The following SSTR4 variants were observed in gnomAD, a reference collection of about 807,000 sequenced individuals.
SSTR4 encodes the protein somatostatin receptor type 4.
For missense variants in SSTR4, 649 were observed against 540.6 expected, an observed-to-expected ratio of 1.20 and a Z score of -1.99; for synonymous variants, 272 against 246.3, an observed-to-expected ratio of 1.10 and a Z score of -0.98.
Position 23,036,721 on chromosome 20 carries a change from A to C in SSTR4, c.*71A>C. 1 of 1,478,950 alleles carries C rather than the reference A, an allele frequency of 6.8e-7. No homozygotes were observed. Among genetic ancestry groups the C allele is most frequent in the Admixed American group, 2.3e-5 (1 of 43,356 alleles). 91.6% of individuals were successfully genotyped at this position (1,478,950 alleles called of 1,614,324 possible). A position where few individuals can be genotyped will look rare whatever the true frequency, so the allele number is the denominator to read the frequency against. ...GGGCACCATTCCTACAGCCCCGAAGACTGCATCTCCTGAATGCTCACCTAA... is the reference window on the plus strand; with the variant it reads ...GGGCACCATTCCTACAGCCCCGAAGCCTGCATCTCCTGAATGCTCACCTAA... On this transcript the variant is annotated 3_prime_UTR_variant, in exon 1 of 1. Coordinates refer to ENST00000255008, the MANE Select transcript of SSTR4 (RefSeq NM_001052.4).
chr20:23,038,417 AT>A lies in SSTR4; in HGVS notation c.*1768del, dbSNP rs1435631298. 2.3e-4 allele frequency: 35 copies of A among 152,302 alleles called. No homozygotes were observed. The highest frequency in any genetic ancestry group is 7.5e-4 in the African/African-American group (31 of 41,538). 9.4% of individuals were successfully genotyped at this position (152,302 alleles called of 1,614,324 possible). A position where few individuals can be genotyped will look rare whatever the true frequency, so the allele number is the denominator to read the frequency against. The stretch of plus-strand genomic sequence containing the variant: ...GTGATCAGACTGGGCAAACTCTCTG[AT>A]AAGCAAGACAGGGCACCTACCAGGA... On this transcript the variant is annotated 3_prime_UTR_variant, in exon 1 of 1. Coordinates refer to ENST00000255008, the MANE Select transcript of SSTR4 (RefSeq NM_001052.4).
At position 23,036,370 on chromosome 20, in the gene SSTR4, C is replaced by T. The variant is rs1984323882; in HGVS notation, c.887C>T (p.Ser296Phe). Residue 296 changes from serine to phenylalanine, a missense_variant, in exon 1 of 1, where the codon TCC (serine) becomes TTC (phenylalanine). Coordinates refer to ENST00000255008, the MANE Select transcript of SSTR4 (RefSeq NM_001052.4). ...TSLDATVNHV[S>F]LILSYANSCA... ...CTTGATGCCACCGTCAACCACGTGT[C>T]CCTTATCCTTAGCTATGCCAACAGC... 1.9e-6 allele frequency: 3 copies of T among 1,614,150 alleles called. No individual in the cohort carries two copies. The highest frequency in any genetic ancestry group is 1.6e-4 in the Middle Eastern group (1 of 6,062).
rs922757913 is a variant in SSTR4, at chr20:23,035,923, C to T, written c.440C>T (p.Ala147Val). Residue 147 changes from alanine (A) to valine (V), a missense_variant, in exon 1 of 1, where the codon GCC (alanine) becomes GTC (valine). Physicochemically the swap from Ala to Val is moderately conservative, Grantham distance 64. Transcript: ENST00000255008. ...GTGCTCAGCGTGGACCGCTACGTGGCCGTGGTGCACCCTCTGCGCGCGGCG... is the reference window on the plus strand; with the variant it reads ...GTGCTCAGCGTGGACCGCTACGTGGTCGTGGTGCACCCTCTGCGCGCGGCG... ...LTVLSVDRYV[A>V]VVHPLRAATY... 14 of 1,612,716 alleles carry T rather than the reference C, an allele frequency of 8.7e-6. No homozygotes were observed. The highest frequency in any genetic ancestry group is 1.1e-5 in the Non-Finnish European group (13 of 1,179,646).
Position 23,035,494 on chromosome 20 carries a change from C to T in SSTR4, c.11C>T (p.Pro4Leu). 1 of 1,541,860 alleles carries T rather than the reference C, an allele frequency of 6.5e-7. No homozygotes were observed. MSA[P>L]STLPPGGEEG... is the part of the protein sequence containing the mutation. The stretch of plus-strand genomic sequence containing the variant: ...CCGGCACCCCTGGTCATGAGCGCCC[C>T]CTCGACGCTGCCCCCCGGGGGCGAG... The change falls in exon 1 of 1, where the codon CCC becomes CTC. Residue 4 changes from proline to leucine, a missense_variant. By Grantham distance (98) the Pro-to-Leu change is moderately conservative (BLOSUM62 -3). Coordinates refer to ENST00000255008, the MANE Select transcript of SSTR4 (RefSeq NM_001052.4).
rs1270779490 is a variant in SSTR4, at chr20:23,038,641, T to C, written c.*1991T>C. 1.3e-5 allele frequency among the ~76,000 whole-genome samples: 2 copies of C among 152,218 alleles called. No individual in the cohort carries two copies. Among genetic ancestry groups the C allele is most frequent in the Non-Finnish European group, 2.9e-5 (2 of 68,040 alleles). On this transcript the variant is annotated 3_prime_UTR_variant, in exon 1 of 1. Transcript: ENST00000255008. ...AGCAGTGATTTAACCTCTCTAAGCCTCAGTTTCCCACTTGGAATATGTGCC... is the reference window on the plus strand; with the variant it reads ...AGCAGTGATTTAACCTCTCTAAGCCCCAGTTTCCCACTTGGAATATGTGCC...
Position 23,039,011 on chromosome 20 carries a change from C to T in SSTR4, c.*2361C>T, listed in dbSNP as rs1984401742. 6.6e-6 allele frequency: 1 copy of T among 152,236 alleles called. No homozygotes were observed. Among genetic ancestry groups the T allele is most frequent in the Non-Finnish European group, 1.5e-5 (1 of 68,060 alleles). 9.4% of individuals were successfully genotyped at this position (152,236 alleles called of 1,614,324 possible). Reference sequence around the variant, plus strand: ...TGCTACCAGCTTTAGTTCCATCAACCCCAGGCTTTTGTAACAACTGGTTGC... The same window carrying T: ...TGCTACCAGCTTTAGTTCCATCAACTCCAGGCTTTTGTAACAACTGGTTGC... On this transcript the variant is annotated 3_prime_UTR_variant, in exon 1 of 1. Coordinates refer to ENST00000255008, the MANE Select transcript of SSTR4 (RefSeq NM_001052.4).
chr20:23,036,339 A>G lies in SSTR4; in HGVS notation c.856A>G (p.Thr286Ala). 1 of 1,614,112 alleles carries G rather than the reference A, an allele frequency of 6.2e-7. No homozygotes were observed. Among genetic ancestry groups the G allele is most frequent in the Non-Finnish European group, 8.5e-7 (1 of 1,180,006 alleles). The change falls in exon 1 of 1, where the codon ACC becomes GCC. Residue 286 changes from threonine to alanine, a missense_variant. Transcript: ENST00000255008. ...GGTGCAGCTGCTGAACCTCTTCGTG[A>G]CCAGCCTTGATGCCACCGTCAACCA... ...YVVQLLNLFV[T>A]SLDATVNHVS...
rs923362519 is a variant in SSTR4 at position 23,037,736 on chromosome 20, G to A, written c.*1086G>A. Among the ~76,000 whole-genome samples the A allele has an allele frequency of 5.3e-5, 8 of 152,230 alleles. No homozygotes were observed. The highest frequency in any genetic ancestry group is 1.9e-4 in the African/African-American group (8 of 41,450). On this transcript the variant is annotated 3_prime_UTR_variant, in exon 1 of 1. Coordinates refer to ENST00000255008, the MANE Select transcript of SSTR4 (RefSeq NM_001052.4). ...GCTTTCTGATAAAAGCAGGGGAGGG[G>A]ACAAAGGAGAACTTGGAACACTTAT...
Position 23,036,578 on chromosome 20 carries a change from C to T in SSTR4, c.1095C>T (p.Pro365=). The change falls in exon 1 of 1, where the codon CCC becomes CCT. Residue 365 remains proline, a synonymous_variant. Transcript: ENST00000255008. The stretch of plus-strand genomic sequence containing the variant: ...CAGGGTGCATGTGCCCCCCACTCCC[C>T]TGCCAGCAGGAAGCCCTGCAACCAG... ...GGAGCMCPPL[P]CQQEALQPEP... The T allele has an allele frequency of 6.2e-7, 1 of 1,600,194 alleles. No individual in the cohort carries two copies. The highest frequency in any genetic ancestry group is 8.5e-7 in the Non-Finnish European group (1 of 1,173,612).
rs370296350 is a variant in SSTR4 at position 23,036,501 on chromosome 20, G to A, written c.1018G>A (p.Glu340Lys). ...CCLLEGAGGA[E>K]EEPLDYYATA... is the part of the protein sequence containing the mutation. Reference sequence around the variant, plus strand: ...CCTCCTGGAAGGTGCTGGAGGTGCTGAGGAGGAGCCCCTGGACTACTATGC... The same window carrying A: ...CCTCCTGGAAGGTGCTGGAGGTGCTAAGGAGGAGCCCCTGGACTACTATGC... The change falls in exon 1 of 1, where the codon GAG becomes AAG. Residue 340 changes from glutamate (E) to lysine (K), a missense_variant. Transcript: ENST00000255008. 4 of 1,613,836 alleles carry A rather than the reference G, an allele frequency of 2.5e-6. No homozygotes were observed. In the African/African-American group the frequency reaches 5.3e-5, roughly 22 times the overall value.
chr20:23,035,748 C>A lies in SSTR4; in HGVS notation c.265C>A (p.Leu89Met). The part of the protein sequence containing the change: ...KTATNIYLLN[L>M]AVADELFMLS... ...GGCTACCAACATCTACCTGCTCAAC[C>A]TGGCCGTAGCCGACGAGCTCTTCAT... is the stretch of plus-strand genomic sequence containing the variant. The change falls in exon 1 of 1, where the codon CTG (leucine) becomes ATG (methionine). Residue 89 changes from leucine to methionine, a missense_variant. Coordinates refer to ENST00000255008, the MANE Select transcript of SSTR4 (RefSeq NM_001052.4). 1 of 1,588,976 alleles carries A rather than the reference C, an allele frequency of 6.3e-7. No homozygotes were observed. The highest frequency in any genetic ancestry group is 8.6e-7 in the Non-Finnish European group (1 of 1,167,630).
chr20:23,038,538 G>T lies in SSTR4; in HGVS notation c.*1888G>T, dbSNP rs1252906319. 6.6e-6 allele frequency among the ~76,000 whole-genome samples: 1 copy of T among 152,176 alleles called. No individual in the cohort carries two copies. Among genetic ancestry groups the T allele is most frequent in the Non-Finnish European group, 1.5e-5 (1 of 68,038 alleles). The stretch of plus-strand genomic sequence containing the variant: ...AGCCTTTTTAACTTAGTTGATGAAG[G>T]TTGAAGGAGAGGCAGCTTCAGGTGA... On this transcript the variant is annotated 3_prime_UTR_variant, in exon 1 of 1. Transcript: ENST00000255008.
Position 23,037,752 on chromosome 20 carries a change from G to A in SSTR4, c.*1102G>A, listed in dbSNP as rs1984366597. On this transcript the variant is annotated 3_prime_UTR_variant, in exon 1 of 1. Transcript: ENST00000255008. ...AGGGGAGGGGACAAAGGAGAACTTG[G>A]AACACTTATGTTAGCATCTGGTGTA... 6.6e-6 allele frequency among the ~76,000 whole-genome samples: 1 copy of A among 152,178 alleles called. No homozygotes were observed. The highest frequency in any genetic ancestry group is 1.5e-5 in the Non-Finnish European group (1 of 68,042).
chr20:23,036,267 C>CTGA lies in SSTR4; in HGVS notation c.787_789dup (p.Met263dup), dbSNP rs769584207. 74 of 1,614,176 alleles carry CTGA rather than the reference C, an allele frequency of 4.6e-5. No individual in the cohort carries two copies. Among genetic ancestry groups the CTGA allele is most frequent in the Middle Eastern group, 3.3e-4 (2 of 6,062 alleles). On this transcript the variant is annotated inframe_insertion, in exon 1 of 1. Transcript: ENST00000255008. ...GGAGAAGAAAATCACCAGGCTGGTGCTGATGGTCGTGGTCGTCTTTGTGCT... is the reference window on the plus strand; with the variant it reads ...GGAGAAGAAAATCACCAGGCTGGTGCTGATGATGGTCGTGGTCGTCTTTGTGCT...
chr20:23,036,310 A>G lies in SSTR4; in HGVS notation c.827A>G (p.Tyr276Cys), dbSNP rs1984321355. 3.7e-6 allele frequency: 6 copies of G among 1,614,118 alleles called. No individual in the cohort carries two copies. The highest frequency in any genetic ancestry group is 2.2e-5 in the South Asian group (2 of 91,082). ...TTTGTGCTCTGCTGGATGCCTTTCT[A>G]CGTGGTGCAGCTGCTGAACCTCTTC... ...VVFVLCWMPF[Y>C]VVQLLNLFVT... The change falls in exon 1 of 1, where the codon TAC becomes TGC. Residue 276 changes from tyrosine (Y) to cysteine (C), a missense_variant. Coordinates refer to ENST00000255008, the MANE Select transcript of SSTR4 (RefSeq NM_001052.4).
Position 23,035,615 on chromosome 20 carries a change from G to A in SSTR4, c.132G>A (p.Ala44=), listed in dbSNP as rs1205262849. Residue 44 remains alanine (A), a synonymous_variant, in exon 1 of 1, where the codon GCG becomes GCA. Coordinates refer to ENST00000255008, the MANE Select transcript of SSTR4 (RefSeq NM_001052.4). Reference sequence around the variant, plus strand: ...TGGCGGGGCCCGGGGACGCGCGGGCGGCGGGCATGGTCGCTATCCAGTGCA... The same window carrying A: ...TGGCGGGGCCCGGGGACGCGCGGGCAGCGGGCATGGTCGCTATCCAGTGCA... ...EAVAGPGDAR[A]AGMVAIQCIY... 64 of 1,545,250 alleles carry A rather than the reference G, an allele frequency of 4.1e-5. No individual in the cohort carries two copies. The highest frequency in any genetic ancestry group is 5.6e-5 in the Non-Finnish European group (64 of 1,151,126).
rs1984323401 is a variant in SSTR4, at chr20:23,036,358, T to A, written c.875T>A (p.Val292Asp). Residue 292 changes from valine to aspartate, a missense_variant, in exon 1 of 1, where the codon GTC becomes GAC. Coordinates refer to ENST00000255008, the MANE Select transcript of SSTR4 (RefSeq NM_001052.4). Reference sequence around the variant, plus strand: ...TTCGTGACCAGCCTTGATGCCACCGTCAACCACGTGTCCCTTATCCTTAGC... The same window carrying A: ...TTCGTGACCAGCCTTGATGCCACCGACAACCACGTGTCCCTTATCCTTAGC... Reference protein sequence around the residue: ...NLFVTSLDATVNHVSLILSYA... With the variant: ...NLFVTSLDATDNHVSLILSYA... 6.2e-7 allele frequency: 1 copy of A among 1,614,110 alleles called. No homozygotes were observed. Among genetic ancestry groups the A allele is most frequent in the Non-Finnish European group, 8.5e-7 (1 of 1,180,004 alleles).
In SSTR4 at chr20:23,037,832, A is replaced by C. The variant is rs1170213112; in HGVS notation, c.*1182A>C. On this transcript the variant is annotated 3_prime_UTR_variant, in exon 1 of 1. Transcript: ENST00000255008. ...GGACCCCACCTGGCTTAGCATTCAG[A>C]GACTACCTCTGGGTTTAACCGGCCT... Among the ~76,000 whole-genome samples, 1 of 152,196 alleles carries C rather than the reference A, an allele frequency of 6.6e-6. No homozygotes were observed. The highest frequency in any genetic ancestry group is 1.5e-5 in the Non-Finnish European group (1 of 68,044).
chr20:23,035,582 G>A lies in SSTR4; in HGVS notation c.99G>A (p.Glu33=), dbSNP rs528925019. The part of the protein sequence containing the change: ...ANASSAPAEA[E]EAVAGPGDAR... Reference sequence around the variant, plus strand: ...CCAGTAGCGCTCCGGCGGAGGCGGAGGAGGCGGTGGCGGGGCCCGGGGACG... The same window carrying A: ...CCAGTAGCGCTCCGGCGGAGGCGGAAGAGGCGGTGGCGGGGCCCGGGGACG... The change falls in exon 1 of 1, where the codon GAG becomes GAA. Residue 33 remains glutamate, a synonymous_variant. Coordinates refer to ENST00000255008, the MANE Select transcript of SSTR4 (RefSeq NM_001052.4). 1.9e-5 allele frequency: 30 copies of A among 1,574,386 alleles called. No homozygotes were observed. The South Asian group carries it at 2.9e-4, about 15-fold the overall frequency.
Sources: allele counts gnomAD v4.1 joint callset (sites outside exome capture counted in the v4.1 genomes callset), GRCh38; gene constraint gnomAD v4.1.1; transcripts MANE v1.5; gene names NCBI Gene and HGNC (gene_info 2026-07-23, HGNC 2026-07-21).